The following TRPV1 variants were observed in gnomAD, a reference collection of about 807,000 sequenced individuals.
TRPV1 encodes OTRPC1.
Under a neutral mutation model 82.3 loss-of-function variants are expected in TRPV1, and 82 were observed. The ratio of observed to expected loss-of-function variants is 1.00; its 90% CI spans 0.83 to 1.20. The LOEUF is 1.20. Among genes scored for constraint, TRPV1 ranks in the 50% most tolerant of loss-of-function variants. The pLI, the probability that TRPV1 is intolerant of heterozygous loss-of-function variation, is 0.00. For synonymous variants in TRPV1, 515 were observed against 467.7 expected (o/e 1.10, Z -1.30); for missense variants, 1,067 against 1,096.8 (o/e 0.97, Z 0.38).
rs1016115082 is a variant in TRPV1, at chr17:3,571,514, C to T, written c.2347+10G>A. On this transcript the variant is annotated intron_variant, in intron 16 of 16. Transcript: ENST00000572705. ...CAAGGAGGCGCCAAGCACCGGCCCT[C>T]ACGCCTCACCTCTGCTTGACCGCAG... The T allele has an allele frequency of 3.8e-6, 6 of 1,579,878 alleles. No homozygotes were observed. The Admixed American group carries it at 5.4e-5, about 14-fold the overall frequency.
intron 3 of TRPV1, 101 bp from the exon 4 acceptor site, chr17:3,591,454 CAAAAAGGGG>C (rs2075156855): frequency 1.5e-6 from 2 of 1,367,378 alleles, no homozygotes; most frequent in East Asian, 4.7e-5. Flanking sequence ...CAAGGCAAAC[CAAAAAGGGG>C]AAAAATGATA....
chr17:3,570,007 C>CGGTCAGGGAGGAGGGGCCAAGT (rs2074830489), intron 16 of TRPV1, among the ~76,000 whole-genome samples: 1 of 100,404 alleles, frequency 1.0e-5, no homozygotes, highest in African/African-American at 3.5e-5. Flanking sequence ...AGGGGCCAAG[C>CGGTCAGGGAGGAGGGGCCAAGT]GGTCAGGGAG....
In TRPV1 at chr17:3,577,770, G is replaced by A. The variant is rs1053499106; in HGVS notation, c.1548-7C>T. 2.5e-6 allele frequency: 4 copies of A among 1,586,818 alleles called. No homozygotes were observed. In the Admixed American group the frequency reaches 5.4e-5, roughly 21 times the overall value. The stretch of plus-strand genomic sequence containing the variant: ...GAACAGTGACTGCAGAAAGCTGCGG[G>A]TGGAGGGGCAGAAAGCTCCGTCTAC... On this transcript the variant is annotated splice_region_variant and splice_polypyrimidine_tract_variant and intron_variant, in intron 11 of 16. Transcript: ENST00000572705.
At chr17:3,578,081 G>A in intron 11 of TRPV1, 1 of 214,548 alleles carries the variant, frequency 4.7e-6, no homozygotes. Context: ...GAGGCATGCG[G>A]AGCACAAGGT....
Position 3,566,899 on chromosome 17 carries a change from T to G in TRPV1, c.2436A>C (p.Glu812Asp). Reference protein sequence around the residue: ...ARDRQSAQPEEVYLRQFSGSL... With the variant: ...ARDRQSAQPEDVYLRQFSGSL... ...ACCCTGAAAACTGTCGCAGATAAACTTCCTCGGGCTGAGCAGACTGCCTAT... is the reference window on the plus strand; with the variant it reads ...ACCCTGAAAACTGTCGCAGATAAACGTCCTCGGGCTGAGCAGACTGCCTAT... Residue 812 changes from glutamate to aspartate, a missense_variant, in exon 17 of 17, where the codon GAA (glutamate) becomes GAC (aspartate). Transcript: ENST00000572705. 1.9e-6 allele frequency: 3 copies of G among 1,613,964 alleles called. No homozygotes were observed. The highest frequency in any genetic ancestry group is 2.5e-6 in the Non-Finnish European group (3 of 1,179,878).
chr17:3,598,211 G>C (rs1461125270), intron 2 of TRPV1, among the ~76,000 whole-genome samples: 1 of 152,220 alleles, frequency 6.6e-6, no homozygotes. Flanking sequence ...ACAAGCCGTA[G>C]GGCAGGTCCA....
intron 2 of TRPV1, among the ~76,000 whole-genome samples, chr17:3,599,392 A>T (rs773546204): frequency 6.6e-6 from 1 of 152,106 alleles, no homozygotes; most frequent in Non-Finnish European, 1.5e-5. Flanking sequence ...GAACTTTTTC[A>T]TCATCCCAAA....
intron 15 of TRPV1, 109 bp from the exon 16 acceptor site, chr17:3,571,748 G>C: frequency 7.1e-6 from 6 of 840,466 alleles, no homozygotes; most frequent in Non-Finnish European, 1.2e-5. Context: ...ATGGAGATGT[G>C]GTGGGTCGGG....
intron 9 of TRPV1, chr17:3,585,558 G>A: frequency 1.7e-6 from 1 of 585,700 alleles, no homozygotes; most frequent in Non-Finnish European, 3.0e-6. Context: ...CTGAGAAGCG[G>A]GAAGGGGGCG....
At position 3,566,646 on chromosome 17, in the gene TRPV1, TGCTTCCAAGAAC is replaced by T; in HGVS notation, c.*157_*168del. The T allele has an allele frequency of 1.4e-6, 1 of 729,944 alleles. No individual in the cohort carries two copies. The highest frequency in any genetic ancestry group is 2.2e-6 in the Non-Finnish European group (1 of 464,952). 45.2% of individuals were successfully genotyped at this position (729,944 alleles called of 1,614,324 possible). ...ACGGTTGGATGTACATCACTCCCCA[TGCTTCCAAGAAC>T]GCTTCCCACAGCTTGTCCAGCACAG... On this transcript the variant is annotated 3_prime_UTR_variant, in exon 17 of 17. Transcript: ENST00000572705.
Position 3,589,939 on chromosome 17 carries a change from C to G in TRPV1, c.912G>C (p.Lys304Asn), listed in dbSNP as rs201418626. 3.2e-6 allele frequency: 5 copies of G among 1,576,374 alleles called. No homozygotes were observed. The East Asian group carries it at 1.2e-4, about 37-fold the overall frequency. ...EVADNTADNT[K>N]FVTSMYNEIL... ...TCTCATTGTACATGCTCGTCACAAACTTCGTGTTGTCGGCCGTGTTGTCGG... is the reference window on the plus strand; with the variant it reads ...TCTCATTGTACATGCTCGTCACAAAGTTCGTGTTGTCGGCCGTGTTGTCGG... Residue 304 changes from lysine (K) to asparagine (N), a missense_variant, in exon 7 of 17, where the codon AAG (lysine) becomes AAC (asparagine). Coordinates refer to ENST00000572705, the MANE Select transcript of TRPV1 (RefSeq NM_080704.4).
In TRPV1 at chr17:3,566,951, G is replaced by A. The variant is rs371025318; in HGVS notation, c.2384C>T (p.Pro795Leu). 4 of 1,613,796 alleles carry A rather than the reference G, an allele frequency of 2.5e-6. No individual in the cohort carries two copies. The African/African-American group carries it at 5.3e-5, about 22-fold the overall frequency. Residue 795 changes from proline to leucine, a missense_variant, in exon 17 of 17, where the codon CCC (proline) becomes CTC (leucine). By Grantham distance (98) the Pro-to-Leu change is moderately conservative. Transcript: ENST00000572705. ...GRHWKNFALV[P>L]LLREASARDR... ...TCGAGCACTTGCCTCTCTTAAAAGG[G>A]GGACCAGGGCAAAGTTCTTCCAGTG... is the stretch of plus-strand genomic sequence containing the variant.
At chr17:3,580,698 G>T (rs2074996432) in intron 10 of TRPV1, among the ~76,000 whole-genome samples, 171 bp from the exon 11 acceptor site, 1 of 152,150 alleles carries the variant, frequency 6.6e-6, no homozygotes, top group Admixed American at 6.5e-5. Context: ...ACACTAGGTG[G>T]CCCAGTCAGT....
intron 13 of TRPV1, among the ~76,000 whole-genome samples, chr17:3,576,668 A>AAAAAAAAAAAAAAAAAAT: frequency 2.6e-5 from 1 of 38,390 alleles, no homozygotes; most frequent in African/African-American, 7.3e-5. Context: ...AAAAAAAAAA[A>AAAAAAAAAAAAAAAAAAT]ATATATATAT....
intron 13 of TRPV1, among the ~76,000 whole-genome samples, chr17:3,575,535 C>G (rs899432619): frequency 1.2e-4 from 18 of 151,678 alleles, no homozygotes; most frequent in Middle Eastern, 3.4e-3. Flanking sequence ...TGAAGTGATT[C>G]AGGTAAGACT....
chr17:3,571,311 C>T (rs56005413), intron 16 of TRPV1, among the ~76,000 whole-genome samples: 2 of 152,132 alleles, frequency 1.3e-5, no homozygotes, highest in Admixed American at 6.5e-5. Context: ...CCCAGTGAGC[C>T]GTCAGCCATC....
chr17:3,588,042 G>C (rs1251312091), intron 8 of TRPV1, 146 bp downstream of exon 8: 2 of 853,954 alleles, frequency 2.3e-6, no homozygotes, highest in Non-Finnish European at 3.5e-6. Flanking sequence ...GTGGGCATGA[G>C]TGGGGAACGT....
At position 3,588,916 on chromosome 17, in the gene TRPV1, A is replaced by G. The variant is rs771173113; in HGVS notation, c.1045-549T>C. 1.6e-5 allele frequency: 24 copies of G among 1,535,384 alleles called. No individual in the cohort carries two copies. The Admixed American group carries it at 4.7e-4, about 30-fold the overall frequency. On this transcript the variant is annotated intron_variant, in intron 7 of 16. Coordinates refer to ENST00000572705, the MANE Select transcript of TRPV1 (RefSeq NM_080704.4). The stretch of plus-strand genomic sequence containing the variant: ...CACAATCCCCTCACGGCGAGGCCCC[A>G]GCTCTACCATCTCACCATGAAGGAC...
chr17:3,596,368 C>G (rs2075220028), intron 2 of TRPV1, among the ~76,000 whole-genome samples: 1 of 152,224 alleles, frequency 6.6e-6, no homozygotes, highest in Admixed American at 6.5e-5. Context: ...TTTCTGGAAG[C>G]TGGGAGAACG....
Sources: allele counts gnomAD v4.1 joint callset (sites outside exome capture counted in the v4.1 genomes callset), GRCh38; gene constraint gnomAD v4.1.1; transcripts MANE v1.5; gene names NCBI Gene and HGNC (gene_info 2026-07-23, HGNC 2026-07-21).